KLF12: variants seen among roughly 807,000 people sequenced by gnomAD.
KLF12 encodes the protein KLF transcription factor 12, also known as Krueppel-like factor 12.
A neutral mutation model predicts 37.8 loss-of-function variants in KLF12; 9 were observed. The ratio of observed to expected loss-of-function variants is 0.24; its 90% CI spans 0.14 to 0.42. The LOEUF is 0.42. Among genes scored for constraint, KLF12 ranks in the 10% least tolerant of loss-of-function variants. KLF12 has a pLI of 1.00. For synonymous variants in KLF12, 208 were observed against 202.1 expected, an observed-to-expected ratio of 1.03 and a Z score of -0.25; for missense variants, 411 against 516.0, an observed-to-expected ratio of 0.80 and a Z score of 1.97.
intron 6 of KLF12, among the ~76,000 whole-genome samples, chr13:73,748,667 A>G (rs1037916393): frequency 6.6e-6 from 1 of 152,164 alleles, no homozygotes; most frequent in African/African-American, 2.4e-5. Context: ...TAGCCACACA[A>G]TCTATGGTAT....
At chr13:73,774,671 A>G (rs1241996886) in intron 5 of KLF12, among the ~76,000 whole-genome samples, 1 of 152,196 alleles carries the variant, frequency 6.6e-6, no homozygotes, top group East Asian at 1.9e-4. Flanking sequence ...AATTCTCTAT[A>G]ATAATTTTGC....
At chr13:73,939,024 T>A (rs1437830615) in intron 3 of KLF12, among the ~76,000 whole-genome samples, 1 of 152,068 alleles carries the variant, frequency 6.6e-6, no homozygotes, top group Non-Finnish European at 1.5e-5. Flanking sequence ...AAACACCCAA[T>A]CTCTTTCCCT....
intron 3 of KLF12, among the ~76,000 whole-genome samples, chr13:73,903,365 G>A (rs1470720967): frequency 6.6e-6 from 1 of 152,064 alleles, no homozygotes; most frequent in African/African-American, 2.4e-5. Context: ...ACATAAGGCT[G>A]TAAGTAAAAC....
chr13:74,181,421 G>T, the KLF12 span, among the ~76,000 whole-genome samples: 1 of 147,060 alleles, frequency 6.8e-6, no homozygotes, highest in African/African-American at 2.5e-5. Flanking sequence ...GGTGGCTCAC[G>T]CCTGTAATCC....
the KLF12 span, among the ~76,000 whole-genome samples, chr13:74,156,996 T>A: frequency 6.6e-6 from 1 of 152,196 alleles, no homozygotes; most frequent in Non-Finnish European, 1.5e-5. Context: ...AACATTTTAT[T>A]CTGTATGTGT....
At chr13:74,032,186 G>C (rs1028571552) in intron 1 of KLF12, among the ~76,000 whole-genome samples, 5 of 152,190 alleles carry the variant, frequency 3.3e-5, no homozygotes, top group African/African-American at 1.2e-4. Context: ...TGTAGTAGGA[G>C]CTTCCAAATC....
chr13:74,023,195 T>C (rs529240872), intron 1 of KLF12, among the ~76,000 whole-genome samples: 1 of 152,340 alleles, frequency 6.6e-6, no homozygotes, highest in South Asian at 2.1e-4. Flanking sequence ...AGCTTTCCCA[T>C]AAAATGCCAA....
At chr13:74,107,411 T>C (rs772503528) in intron 1 of KLF12, among the ~76,000 whole-genome samples, 1 of 152,176 alleles carries the variant, frequency 6.6e-6, no homozygotes, top group Admixed American at 6.5e-5. Flanking sequence ...TAAGTTAAAA[T>C]AAAGAAATAG....
At chr13:73,839,236 G>C (rs1487719634) in intron 4 of KLF12, among the ~76,000 whole-genome samples, 1 of 150,466 alleles carries the variant, frequency 6.6e-6, no homozygotes, top group Non-Finnish European at 1.5e-5. Context: ...GGGACCACAG[G>C]TGCTTACCAC....
chr13:74,060,484 T>TTTTG (rs767187033), intron 1 of KLF12, among the ~76,000 whole-genome samples: 1 of 108,598 alleles, frequency 9.2e-6, no homozygotes, highest in African/African-American at 3.7e-5. Flanking sequence ...TACCTAGGTT[T>TTTTG]TGTGTGTGTG....
chr13:73,973,648 G>A (rs1891412215), intron 2 of KLF12, among the ~76,000 whole-genome samples: 1 of 87,454 alleles, frequency 1.1e-5, no homozygotes, highest in Non-Finnish European at 2.6e-5. Context: ...ACAAGACATA[G>A]AACATCTGCC....
chr13:73,796,230 C>T (rs1419934872), intron 5 of KLF12, among the ~76,000 whole-genome samples: 2 of 152,190 alleles, frequency 1.3e-5, no homozygotes, highest in Admixed American at 1.3e-4. Context: ...CTCCCTTACA[C>T]ATTTCTACAT....
At chr13:74,250,935 G>A in the KLF12 span, among the ~76,000 whole-genome samples, 1 of 152,136 alleles carries the variant, frequency 6.6e-6, no homozygotes, top group African/African-American at 2.4e-5. Context: ...ACAAATTAAA[G>A]TCAGTCCCAG....
chr13:74,252,326 G>T, the KLF12 span, among the ~76,000 whole-genome samples: 1 of 152,172 alleles, frequency 6.6e-6, no homozygotes, highest in African/African-American at 2.4e-5. Context: ...TGTGACTGCT[G>T]CAGGGCCTGC....
rs988070651 is a variant in KLF12 at position 73,686,986 on chromosome 13, C to T, written c.*8504G>A. The T allele has an allele frequency of 3.9e-5, 6 of 152,174 alleles. No individual in the cohort carries two copies. The highest frequency in any genetic ancestry group is 4.2e-4 in the South Asian group (2 of 4,804). The allele number at this position is 152,174 out of a possible 1,614,324, so 9.4% of individuals were successfully genotyped here. A position where few individuals can be genotyped will look rare whatever the true frequency, so the allele number is the denominator to read the frequency against. On this transcript the variant is annotated 3_prime_UTR_variant, in exon 8 of 8. Coordinates refer to ENST00000377669, the MANE Select transcript of KLF12 (RefSeq NM_007249.5). The stretch of plus-strand genomic sequence containing the variant: ...GAGAGATTTATTCAAAAGAACATGA[C>T]GTTAGAATTGACCCCCACACACCAA...
In KLF12 at chr13:73,893,468, G is replaced by A. The variant is rs150888954; in HGVS notation, c.124-47095C>T. ...GCGATCTCCACTTACCACAACCTCCGCCTCCCAGGTTCAAGTGATTCTCCT... is the reference window on the plus strand; with the variant it reads ...GCGATCTCCACTTACCACAACCTCCACCTCCCAGGTTCAAGTGATTCTCCT... On this transcript the variant is annotated intron_variant, in intron 3 of 7. Transcript: ENST00000377669. 2.0e-3 allele frequency among the ~76,000 whole-genome samples: 269 copies of A among 131,330 alleles called. 2 individuals carry two copies. Among genetic ancestry groups the A allele is most frequent in the African/African-American group, 7.5e-3 (259 of 34,738 alleles). 86.2% of individuals were successfully genotyped at this position (131,330 alleles called of 152,430 possible). A position where few individuals can be genotyped will look rare whatever the true frequency, so the allele number is the denominator to read the frequency against.
rs145216837 is a variant in KLF12 at position 73,881,721 on chromosome 13, T to C, written c.124-35348A>G. On this transcript the variant is annotated intron_variant, in intron 3 of 7. Transcript: ENST00000377669. ...ATAGAGCTAAAAAGTACCCGCTGTA[T>C]GCAAAGCCTAATTTACACTGACAAA... is the stretch of plus-strand genomic sequence containing the variant. Among the ~76,000 whole-genome samples the C allele has an allele frequency of 7.3e-3, 1,116 of 152,284 alleles. 14 individuals are homozygous for C. The highest frequency in any genetic ancestry group is 0.025 in the African/African-American group (1,051 of 41,564).
chr13:74,009,848 C>T (rs1056985371), intron 1 of KLF12, among the ~76,000 whole-genome samples: 1 of 152,186 alleles, frequency 6.6e-6, no homozygotes, highest in Admixed American at 6.5e-5. Context: ...ACTCTAGCTA[C>T]CATTTGGGAA....
At chr13:73,771,867 AC>A (rs1880293101) in intron 5 of KLF12, among the ~76,000 whole-genome samples, 4 of 152,258 alleles carry the variant, frequency 2.6e-5, no homozygotes, top group Admixed American at 2.6e-4. Flanking sequence ...AAGAATAGGT[AC>A]AATTTTCATA....
Sources: gnomAD v4.1 joint callset for allele counts (sites outside exome capture counted in the v4.1 genomes callset) on GRCh38, gnomAD v4.1.1 for gene constraint, MANE v1.5 for transcripts, NCBI Gene and HGNC (gene_info 2026-07-23, HGNC 2026-07-21) for gene names.